The following CADM2 variants were observed in gnomAD, a reference collection of about 807,000 sequenced individuals.
CADM2 encodes the protein cell adhesion molecule 2, also known as immunoglobulin superfamily member 4D.
CADM2 carries 12 observed loss-of-function variants against 49.8 expected under a neutral mutation model. That is an observed-to-expected ratio of 0.24 (90% CI 0.15 to 0.39). The LOEUF is 0.39. Ranked by LOEUF, CADM2 falls within the 10% of genes least tolerant of loss-of-function variation. The probability of loss-of-function intolerance (pLI) is 1.00; values close to 1 mark genes in which losing one functional copy is unlikely to be tolerated. For missense variants in CADM2, 378 were observed against 492.3 expected, an observed-to-expected ratio of 0.77 and a Z score of 2.20; for synonymous variants, 214 against 175.4, an observed-to-expected ratio of 1.22 and a Z score of -1.74.
chr3:85,468,051 G>A (rs928232579), intron 1 of CADM2, among the ~76,000 whole-genome samples: 16 of 150,682 alleles, frequency 1.1e-4, no homozygotes, highest in Non-Finnish European at 1.5e-4. Context: ...CTACTTGGGA[G>A]GCTGAGGCAG....
intron 7 of CADM2, among the ~76,000 whole-genome samples, chr3:85,953,071 G>T (rs1333269434): frequency 6.0e-5 from 9 of 150,118 alleles, no homozygotes; most frequent in Non-Finnish European, 1.2e-4. Flanking sequence ...TTTTGTTCAT[G>T]TTGCTCCTGT....
intron 8 of CADM2, among the ~76,000 whole-genome samples, chr3:85,997,308 A>G (rs868152843): frequency 6.6e-6 from 1 of 152,342 alleles, no homozygotes. Flanking sequence ...ACTTAATTTT[A>G]TTAGAACCAT....
At position 85,633,116 on chromosome 3, in the gene CADM2, T is replaced by A. The variant is rs550837622; in HGVS notation, c.62-93406T>A. Among the ~76,000 whole-genome samples, 219 of 152,166 alleles carry A rather than the reference T, an allele frequency of 1.4e-3. 1 individual carries two copies. The highest frequency in any genetic ancestry group is 5.1e-3 in the African/African-American group (211 of 41,552). ...GTTCCAAAGCAAAGAGCATTGCCAA[T>A]AAAAGCAGTGTACTGAGCTTCTTTT... is the stretch of plus-strand genomic sequence containing the variant. On this transcript the variant is annotated intron_variant, in intron 1 of 9. Transcript: ENST00000383699.
intron 1 of CADM2, among the ~76,000 whole-genome samples, chr3:85,210,355 G>A (rs2041748059): frequency 6.6e-6 from 1 of 152,008 alleles, no homozygotes; most frequent in Non-Finnish European, 1.5e-5. Flanking sequence ...CTTTTTACTG[G>A]TTTGTTGAAC....
At chr3:86,016,863 T>A (rs1032046162) in intron 8 of CADM2, among the ~76,000 whole-genome samples, 3 of 152,154 alleles carry the variant, frequency 2.0e-5, no homozygotes, top group African/African-American at 7.2e-5. Flanking sequence ...TACTAAGGAT[T>A]CAATGAGGGG....
chr3:85,005,984 G>C lies in CADM2; in HGVS notation c.61+46316G>C, dbSNP rs538598091. On this transcript the variant is annotated intron_variant, in intron 1 of 9. Transcript: ENST00000383699. ...TGCAGCTTTATTAATAAATAAGAGA[G>C]AGAATGCTCTCCTACTACTATGTAT... Among the ~76,000 whole-genome samples the C allele has an allele frequency of 2.0e-5, 3 of 152,226 alleles. No individual in the cohort carries two copies. In the South Asian group the frequency reaches 6.2e-4, roughly 32 times the overall value.
At chr3:85,885,920 CT>C (rs1173556479) in intron 4 of CADM2, among the ~76,000 whole-genome samples, 1 of 149,492 alleles carries the variant, frequency 6.7e-6, no homozygotes, top group Non-Finnish European at 1.5e-5. Flanking sequence ...ATCTTACATA[CT>C]TTTTTGATAC....
intron 1 of CADM2, among the ~76,000 whole-genome samples, chr3:85,169,174 G>A (rs1417470966): frequency 6.6e-6 from 1 of 151,900 alleles, no homozygotes; most frequent in Non-Finnish European, 1.5e-5. Flanking sequence ...TTTTAGTAGA[G>A]ACAGGGTTCC....
intron 8 of CADM2, chr3:86,014,432 T>A: frequency 6.7e-7 from 1 of 1,484,540 alleles, no homozygotes; most frequent in East Asian, 2.3e-5. Flanking sequence ...AAGTTTATCA[T>A]GAATTTTGGT....
At chr3:85,529,707 A>G (rs1194233188) in intron 1 of CADM2, among the ~76,000 whole-genome samples, 3 of 151,816 alleles carry the variant, frequency 2.0e-5, no homozygotes, top group African/African-American at 4.8e-5. Context: ...TGCTTGCTCT[A>G]TGCATTTACC....
chr3:84,994,303 T>G (rs1429407583), intron 1 of CADM2, among the ~76,000 whole-genome samples: 1 of 152,196 alleles, frequency 6.6e-6, no homozygotes, highest in Non-Finnish European at 1.5e-5. Context: ...TTACTTCAAG[T>G]GTCAATATTG....
At chr3:85,722,856 C>A (rs1388217111) in intron 1 of CADM2, among the ~76,000 whole-genome samples, 1 of 152,062 alleles carries the variant, frequency 6.6e-6, no homozygotes, top group Non-Finnish European at 1.5e-5. Flanking sequence ...TTAAGAGTCC[C>A]TAAATCTTTG....
intron 6 of CADM2, among the ~76,000 whole-genome samples, chr3:85,914,708 G>T (rs1055610336): frequency 1.3e-5 from 2 of 152,154 alleles, no homozygotes; most frequent in African/African-American, 4.8e-5. Flanking sequence ...TATGTAAGTT[G>T]CTCTGGCAAA....
intron 7 of CADM2, among the ~76,000 whole-genome samples, chr3:85,945,505 T>G (rs1240323202): frequency 6.6e-6 from 1 of 152,072 alleles, no homozygotes; most frequent in East Asian, 1.9e-4. Flanking sequence ...ATATCCCTGA[T>G]GAAAATCAAT....
At chr3:85,855,585 C>CATATATATATAAAACAT (rs2075275510) in intron 3 of CADM2, among the ~76,000 whole-genome samples, 1 of 120,178 alleles carries the variant, frequency 8.3e-6, no homozygotes, top group East Asian at 2.3e-4. Context: ...ATATAAAAAA[C>CATATATATATAAAACAT]ATATATATAT....
intron 8 of CADM2, chr3:86,014,069 C>A: frequency 1.5e-6 from 2 of 1,298,036 alleles, no homozygotes; most frequent in South Asian, 1.6e-5. Flanking sequence ...TTTTTCACAA[C>A]GGTTAAGAAA....
intron 1 of CADM2, among the ~76,000 whole-genome samples, chr3:85,317,285 C>T (rs563827523): frequency 1.3e-5 from 2 of 152,240 alleles, no homozygotes; most frequent in South Asian, 2.1e-4. Flanking sequence ...CATAGCACCT[C>T]ATGAGGACCT....
At chr3:85,965,244 T>C (rs2108625659) in intron 8 of CADM2, among the ~76,000 whole-genome samples, 1 of 148,970 alleles carries the variant, frequency 6.7e-6, no homozygotes, top group East Asian at 2.0e-4. Flanking sequence ...AATACTAACA[T>C]ATAACTATTA....
chr3:85,218,688 C>T (rs1469876291), intron 1 of CADM2, among the ~76,000 whole-genome samples: 10 of 151,976 alleles, frequency 6.6e-5, no homozygotes, highest in African/African-American at 9.7e-5. Flanking sequence ...CCCAGCTACT[C>T]GGGAGGCTGA....
Sources: allele counts gnomAD v4.1 joint callset (sites outside exome capture counted in the v4.1 genomes callset), GRCh38; gene constraint gnomAD v4.1.1; transcripts MANE v1.5; gene names NCBI Gene and HGNC (gene_info 2026-07-23, HGNC 2026-07-21).